The following MDGA1 variants were observed in gnomAD, a reference collection of about 807,000 sequenced individuals.
MDGA1 encodes the protein MAM domain-containing glycosylphosphatidylinositol anchor protein 1.
A neutral mutation model predicts 101.5 loss-of-function variants in MDGA1; 54 were observed. That is an observed-to-expected ratio of 0.53 (90% confidence interval 0.43 to 0.67). The LOEUF is 0.67. Among genes scored for constraint, MDGA1 ranks in the 30% least tolerant of loss-of-function variants. The pLI is 0.00. For synonymous variants in MDGA1, 533 were observed against 558.3 expected (o/e 0.95, Z 0.64); for missense variants, 1,083 against 1,323.8 (o/e 0.82, Z 2.82).
At position 37,652,242 on chromosome 6, in the gene MDGA1, C is replaced by T. The variant is rs1761387206; in HGVS notation, c.1081G>A (p.Ala361Thr). The change falls in exon 7 of 17, where the codon GCA (alanine) becomes ACA (threonine). Residue 361 changes from alanine to threonine, a missense_variant. By Grantham distance (58) the Ala-to-Thr change is moderately conservative. Coordinates refer to ENST00000434837, the MANE Select transcript of MDGA1 (RefSeq NM_153487.4). This position sits in a 1 kb window ranked among gnomAD's most constrained non-coding sequence, Gnocchi z 4.3. ...QDLKLSCHVD[A>T]VPQEKVTYQW... Reference sequence around the variant, plus strand: ...TAGGTCACCTTCTCCTGGGGCACTGCATCCACGTGGCACGATAGCTTCAGG... The same window carrying T: ...TAGGTCACCTTCTCCTGGGGCACTGTATCCACGTGGCACGATAGCTTCAGG... 6.2e-6 allele frequency: 10 copies of T among 1,614,030 alleles called. No homozygotes were observed. The highest frequency in any genetic ancestry group is 8.5e-6 in the Non-Finnish European group (10 of 1,179,898).
Position 37,655,232 on chromosome 6 carries a change from A to G in MDGA1, c.580-300T>C. On this transcript the variant is annotated intron_variant, in intron 4 of 16. Coordinates refer to ENST00000434837, the MANE Select transcript of MDGA1 (RefSeq NM_153487.4). The surrounding 1 kb of genome is among the most constrained non-coding windows in gnomAD (Gnocchi z 5.1). ...TGGGAAACGGAGGGGTAAGAAGGGAACTTACTCGTACAACCCACACAAACA... is the reference window on the plus strand; with the variant it reads ...TGGGAAACGGAGGGGTAAGAAGGGAGCTTACTCGTACAACCCACACAAACA... The G allele has an allele frequency of 2.2e-6, 1 of 451,986 alleles. No homozygotes were observed. Among genetic ancestry groups the G allele is most frequent in the Admixed American group, 3.9e-5 (1 of 25,826 alleles). 28.0% of individuals were successfully genotyped at this position (451,986 alleles called of 1,614,324 possible).
At chr6:37,672,100 C>A (rs1761881954) in intron 1 of MDGA1, among the ~76,000 whole-genome samples, 1 of 151,290 alleles carries the variant, frequency 6.6e-6, no homozygotes, top group Non-Finnish European at 1.5e-5. Flanking sequence ...GAGATCATAT[C>A]ACTGCACTCC....
rs1761456201 is a variant in MDGA1 at position 37,655,143 on chromosome 6, A to G, written c.580-211T>C. On this transcript the variant is annotated intron_variant, in intron 4 of 16. Transcript: ENST00000434837. This position sits in a 1 kb window ranked among gnomAD's most constrained non-coding sequence, Gnocchi z 5.1. ...AGCCTTGGCAGTGCCTCATCATGGGATTCTCTGGGTCTGAGGTTGCCCTTG... is the reference window on the plus strand; with the variant it reads ...AGCCTTGGCAGTGCCTCATCATGGGGTTCTCTGGGTCTGAGGTTGCCCTTG... 1 of 613,536 alleles carries G rather than the reference A, an allele frequency of 1.6e-6. No homozygotes were observed. Among genetic ancestry groups the G allele is most frequent in the Non-Finnish European group, 2.8e-6 (1 of 354,716 alleles). The allele number at this position is 613,536 out of a possible 1,614,324, so 38.0% of individuals were successfully genotyped here. A position where few individuals can be genotyped will look rare whatever the true frequency, so the allele number is the denominator to read the frequency against.
In MDGA1 at chr6:37,644,499, T is replaced by A. The variant is rs777748467; in HGVS notation, c.2399A>T (p.Glu800Val). 6 of 1,572,862 alleles carry A rather than the reference T, an allele frequency of 3.8e-6. No homozygotes were observed. The African/African-American group carries it at 8.2e-5, about 21-fold the overall frequency. ...GPPTDISGTP[E>V]GYYMFIETSR... ...CTGGCAGCAGGCCAGGTCCTCACCC[T>A]CAGGGGTGCCACTTATGTCGGTGGG... The change falls in exon 13 of 17, where the codon GAG (glutamate) becomes GTG (valine). Residue 800 changes from glutamate (E) to valine (V), a missense_variant and splice_region_variant. Transcript: ENST00000434837.
chr6:37,658,533 C>A, intron 2 of MDGA1, 114 bp from the exon 3 acceptor site: 1 of 1,120,618 alleles, frequency 8.9e-7, no homozygotes, highest in South Asian at 1.5e-5. Context: ...CACAAGCGCA[C>A]GTGGGGCACA....
rs1761695571 is a variant in MDGA1, at chr6:37,664,369, G to A, written c.68-263C>T. ...CTTTTCAGTGGGCTGATTGTGTGAA[G>A]GGGCTTTGTCATCTGTACAGACTGG... On this transcript the variant is annotated intron_variant, in intron 1 of 16. Coordinates refer to ENST00000434837, the MANE Select transcript of MDGA1 (RefSeq NM_153487.4). The A allele has an allele frequency of 1.3e-5, 6 of 469,600 alleles. No individual in the cohort carries two copies. The South Asian group carries it at 1.9e-4, about 15-fold the overall frequency. The allele number at this position is 469,600 out of a possible 1,614,324, so 29.1% of individuals were successfully genotyped here.
chr6:37,677,852 C>T (rs376961770), intron 1 of MDGA1, among the ~76,000 whole-genome samples: 14 of 152,308 alleles, frequency 9.2e-5, no homozygotes, highest in South Asian at 2.1e-4. Flanking sequence ...TGACCCCCTC[C>T]GACCTCGGGT....
In MDGA1 at chr6:37,696,678, A is replaced by C; in HGVS notation, c.67+67T>G. On this transcript the variant is annotated intron_variant, in intron 1 of 16. Transcript: ENST00000434837. The surrounding 1 kb of genome is among the most constrained non-coding windows in gnomAD (Gnocchi z 5.6). ...TCTCCACCAAACCCCGGCAGCGCGC[A>C]CTTTGCGCCTCTTGCAAAGTTTCCG... is the stretch of plus-strand genomic sequence containing the variant. The C allele has an allele frequency of 6.9e-7, 1 of 1,457,766 alleles. No individual in the cohort carries two copies. Among genetic ancestry groups the C allele is most frequent in the South Asian group, 1.2e-5 (1 of 82,094 alleles). 90.3% of individuals were successfully genotyped at this position (1,457,766 alleles called of 1,614,324 possible). A position where few individuals can be genotyped will look rare whatever the true frequency, so the allele number is the denominator to read the frequency against.
rs367574210 is a variant in MDGA1 at position 37,673,303 on chromosome 6, C to T, written c.68-9197G>A. Among the ~76,000 whole-genome samples, 11 of 152,304 alleles carry T rather than the reference C, an allele frequency of 7.2e-5. 1 individual carries two copies. The highest frequency in any genetic ancestry group is 6.2e-4 in the South Asian group (3 of 4,826). ...TCCTCAGAAACCGTCCCTCCCTCGC[C>T]GTGACACCTCTCGCCCTCCCAGATC... On this transcript the variant is annotated intron_variant, in intron 1 of 16. Coordinates refer to ENST00000434837, the MANE Select transcript of MDGA1 (RefSeq NM_153487.4).
intron 2 of MDGA1, among the ~76,000 whole-genome samples, chr6:37,663,706 CGTGGAATGGA>C (rs1761676703): frequency 6.6e-6 from 1 of 152,232 alleles, no homozygotes; most frequent in East Asian, 1.9e-4. Flanking sequence ...TCAACAGATC[CGTGGAATGGA>C]GTGGAATTGA....
rs887979617 is a variant in MDGA1 at position 37,655,492 on chromosome 6, G to C, written c.579+208C>G. Reference sequence around the variant, plus strand: ...ATGTTCCTGGAGGACATGTTGCCTCGGGGACACTCCTGCCCTCATTGCTGC... The same window carrying C: ...ATGTTCCTGGAGGACATGTTGCCTCCGGGACACTCCTGCCCTCATTGCTGC... On this transcript the variant is annotated intron_variant, in intron 4 of 16. Transcript: ENST00000434837. This position sits in a 1 kb window ranked among gnomAD's most constrained non-coding sequence, Gnocchi z 5.1. 3.9e-6 allele frequency: 2 copies of C among 515,760 alleles called. No homozygotes were observed. Among genetic ancestry groups the C allele is most frequent in the African/African-American group, 3.8e-5 (2 of 52,454 alleles). 31.9% of individuals were successfully genotyped at this position (515,760 alleles called of 1,614,324 possible). A position where few individuals can be genotyped will look rare whatever the true frequency, so the allele number is the denominator to read the frequency against.
In MDGA1 at chr6:37,654,428, G is replaced by A. The variant is rs1761435674; in HGVS notation, c.828C>T (p.Ser276=). The A allele has an allele frequency of 6.2e-7, 1 of 1,613,900 alleles. No homozygotes were observed. The highest frequency in any genetic ancestry group is 1.3e-5 in the African/African-American group (1 of 74,934). The stretch of plus-strand genomic sequence containing the variant: ...CCAGGGGCAGTGGGCCAGGCCCATG[G>A]GACCACTGCAGCTGGGGGAGGGGAT... ...GGDPLPQLQW[S]HGPGPLPLGA... The change falls in exon 6 of 17, where the codon TCC becomes TCT. Residue 276 remains serine, a synonymous_variant. Coordinates refer to ENST00000434837, the MANE Select transcript of MDGA1 (RefSeq NM_153487.4).
At chr6:37,674,747 G>A (rs1158362900) in intron 1 of MDGA1, among the ~76,000 whole-genome samples, 1 of 152,160 alleles carries the variant, frequency 6.6e-6, no homozygotes. Context: ...TGGGTCCCAG[G>A]ATGCCAGGAT....
At chr6:37,644,772 G>C in intron 12 of MDGA1, 123 bp from the exon 13 acceptor site, 1 of 1,067,878 alleles carries the variant, frequency 9.4e-7, no homozygotes, top group East Asian at 3.2e-5. Flanking sequence ...AGGATTCCGG[G>C]CTTCAAAAGA....
intron 2 of MDGA1, 144 bp downstream of exon 2, chr6:37,663,823 A>G (rs1761679895): frequency 3.3e-6 from 3 of 907,796 alleles, no homozygotes; most frequent in Admixed American, 2.9e-5. Context: ...TTTTCCTGCT[A>G]TTTCCCCAGC....
At chr6:37,675,550 C>T (rs1339500204) in intron 1 of MDGA1, among the ~76,000 whole-genome samples, 1 of 152,090 alleles carries the variant, frequency 6.6e-6, no homozygotes, top group Non-Finnish European at 1.5e-5. Flanking sequence ...GTTTGTAATC[C>T]TGAGAGATCA....
chr6:37,664,188 C>T, intron 1 of MDGA1, 82 bp from the exon 2 acceptor site: 7 of 1,555,272 alleles, frequency 4.5e-6, no homozygotes, highest in Non-Finnish European at 6.1e-6. Context: ...CTGAGTGTAT[C>T]TGGGAGGGGT....
chr6:37,644,055 A>G (rs143891784), intron 13 of MDGA1, 112 bp from the exon 14 acceptor site: 18,271 of 1,365,528 alleles, frequency 0.013, 205 homozygotes, highest in Non-Finnish European at 0.014. Context: ...GCCTCGCCCC[A>G]CGCATCCTGC....
rs1392761735 is a variant in MDGA1 at position 37,638,306 on chromosome 6, A to G, written c.2675T>C (p.Phe892Ser). 1.2e-6 allele frequency: 2 copies of G among 1,605,638 alleles called. No individual in the cohort carries two copies. Among genetic ancestry groups the G allele is most frequent in the Non-Finnish European group, 8.5e-7 (1 of 1,175,168 alleles). Residue 892 changes from phenylalanine to serine, a missense_variant, in exon 16 of 17, where the codon TTT (phenylalanine) becomes TCT (serine). Coordinates refer to ENST00000434837, the MANE Select transcript of MDGA1 (RefSeq NM_153487.4). This position sits in a 1 kb window ranked among gnomAD's most constrained non-coding sequence, Gnocchi z 4.8. ...ISPSGPFQII[F>S]EGVRGPGYLG... The stretch of plus-strand genomic sequence containing the variant: ...GTAGCCCGGGCCTCGAACCCCCTCA[A>G]AAATAATCTGGGGTGGGGTCAGAAA...
Sources: allele counts gnomAD v4.1 joint callset (sites outside exome capture counted in the v4.1 genomes callset), GRCh38; gene constraint gnomAD v4.1.1; non-coding constraint Gnocchi (gnomAD v3.1); transcripts MANE v1.5; gene names NCBI Gene and HGNC (gene_info 2026-07-23, HGNC 2026-07-21).